Variants in SORCS2 observed in about 807,000 individuals in gnomAD.
The protein encoded by SORCS2 is VPS10 domain-containing receptor SorCS2.
Under a neutral mutation model 141.6 loss-of-function variants are expected in SORCS2, and 100 were observed. The ratio of observed to expected loss-of-function variants is 0.71; its 90% CI spans 0.60 to 0.83. The LOEUF (loss-of-function observed/expected upper bound fraction) is 0.83. Among genes scored for constraint, SORCS2 ranks in the 40% least tolerant of loss-of-function variants. The pLI is 0.00. For synonymous variants in SORCS2, 789 were observed against 676.9 expected (o/e 1.17, Z -2.57); for missense variants, 1,646 against 1,560.2 (o/e 1.05, Z -0.93).
intron 1 of SORCS2, among the ~76,000 whole-genome samples, chr4:7,382,421 G>A (rs1723045824): frequency 6.6e-6 from 1 of 152,090 alleles, no homozygotes; most frequent in Non-Finnish European, 1.5e-5. Flanking sequence ...AAGGTGCAGA[G>A]AACAGGCCCC....
chr4:7,489,165 T>C (rs909498256), intron 2 of SORCS2, among the ~76,000 whole-genome samples: 3 of 152,134 alleles, frequency 2.0e-5, no homozygotes, highest in Admixed American at 2.0e-4. Flanking sequence ...CAAAAGCTGG[T>C]TCCCTGGACC....
At chr4:7,435,080 C>A (rs1727208660) in intron 2 of SORCS2, 1 of 594,224 alleles carries the variant, frequency 1.7e-6, no homozygotes, top group Non-Finnish European at 2.9e-6. Flanking sequence ...TATCCCTCCC[C>A]TCTTTTCCCC....
At chr4:7,628,312 G>A (rs1454631038) in intron 3 of SORCS2, among the ~76,000 whole-genome samples, 2 of 152,264 alleles carry the variant, frequency 1.3e-5, no homozygotes, top group South Asian at 2.1e-4. Context: ...CACGAGGTCA[G>A]GAGATCCAGA....
intron 1 of SORCS2, among the ~76,000 whole-genome samples, chr4:7,354,806 A>G (rs1721150201): frequency 6.6e-6 from 1 of 151,990 alleles, no homozygotes; most frequent in Non-Finnish European, 1.5e-5. Flanking sequence ...GAAAATCCGA[A>G]CCCCAGAGTA....
At chr4:7,405,509 C>T (rs745408532) in intron 2 of SORCS2, among the ~76,000 whole-genome samples, 4 of 151,854 alleles carry the variant, frequency 2.6e-5, no homozygotes, top group Non-Finnish European at 4.4e-5. Context: ...TCATTTGTGT[C>T]ATCTACAATT....
intron 2 of SORCS2, among the ~76,000 whole-genome samples, chr4:7,506,312 T>C (rs1268501526): frequency 2.0e-5 from 3 of 152,190 alleles, no homozygotes; most frequent in Admixed American, 6.5e-5. Context: ...GTGGTAAATA[T>C]TTGGCGTCCA....
chr4:7,403,132 G>A (rs767778108), intron 2 of SORCS2, among the ~76,000 whole-genome samples: 6 of 152,158 alleles, frequency 3.9e-5, no homozygotes, highest in Middle Eastern at 3.2e-3. Flanking sequence ...GATGGATGGT[G>A]TATTAGTCAG....
At chr4:7,564,348 C>T (rs1343103252) in intron 3 of SORCS2, among the ~76,000 whole-genome samples, 2 of 152,242 alleles carry the variant, frequency 1.3e-5, no homozygotes, top group Non-Finnish European at 2.9e-5. Context: ...CCTGCCCTTC[C>T]TCTCCGGAGA....
chr4:7,384,750 C>T (rs1179834049), intron 1 of SORCS2, among the ~76,000 whole-genome samples: 2 of 152,204 alleles, frequency 1.3e-5, no homozygotes, highest in Admixed American at 1.3e-4. Flanking sequence ...GGCCAACTCC[C>T]TGCATCCTCG....
chr4:7,368,350 A>G (rs1341121174), intron 1 of SORCS2, among the ~76,000 whole-genome samples: 3 of 152,216 alleles, frequency 2.0e-5, no homozygotes, highest in Admixed American at 2.0e-4. Flanking sequence ...AGGGCTGCCA[A>G]GTGGCATTGG....
At chr4:7,725,510 G>A (rs1251684509) in intron 20 of SORCS2, among the ~76,000 whole-genome samples, 1 of 152,218 alleles carries the variant, frequency 6.6e-6, no homozygotes, top group Non-Finnish European at 1.5e-5. Flanking sequence ...ACTAGACCCT[G>A]CCTTTTCCCG....
intron 3 of SORCS2, among the ~76,000 whole-genome samples, chr4:7,557,159 A>G (rs1052659804): frequency 2.0e-5 from 3 of 152,296 alleles, no homozygotes; most frequent in Non-Finnish European, 2.9e-5. Context: ...TTATGGGGAC[A>G]CTGAGGAAAG....
At chr4:7,337,014 T>G (rs1720030078) in intron 1 of SORCS2, among the ~76,000 whole-genome samples, 1 of 152,178 alleles carries the variant, frequency 6.6e-6, no homozygotes, top group Non-Finnish European at 1.5e-5. Flanking sequence ...GTCAGAGTGC[T>G]GGGAATCACA....
At chr4:7,296,586 G>A (rs187304460) in intron 1 of SORCS2, among the ~76,000 whole-genome samples, 3 of 152,312 alleles carry the variant, frequency 2.0e-5, no homozygotes, top group South Asian at 2.1e-4. Context: ...CACCGATGGA[G>A]GGGTGGCTAC....
intron 1 of SORCS2, among the ~76,000 whole-genome samples, chr4:7,291,126 C>CT (rs1411349616): frequency 6.6e-6 from 1 of 152,012 alleles, no homozygotes; most frequent in Admixed American, 6.6e-5. Flanking sequence ...GGGAGGGACC[C>CT]TGGGTGTCTA....
At chr4:7,397,533 T>C (rs1040091192) in intron 2 of SORCS2, among the ~76,000 whole-genome samples, 1 of 151,688 alleles carries the variant, frequency 6.6e-6, no homozygotes, top group African/African-American at 2.4e-5. Flanking sequence ...AAACGGGGGG[T>C]GAGTGATGGG....
At chr4:7,386,218 C>A (rs1241762158) in intron 1 of SORCS2, among the ~76,000 whole-genome samples, 1 of 103,804 alleles carries the variant, frequency 9.6e-6, no homozygotes, top group Non-Finnish European at 2.0e-5. Flanking sequence ...CACACGCACA[C>A]ACATGCCCAC....
At chr4:7,732,163 C>T (rs1343764924) in intron 23 of SORCS2, among the ~76,000 whole-genome samples, 4 of 152,222 alleles carry the variant, frequency 2.6e-5, no homozygotes, top group African/African-American at 9.6e-5. Flanking sequence ...CAAAGGGAGA[C>T]ACACAAATGG....
At chr4:7,705,516 G>A (rs1725373361) in intron 14 of SORCS2, among the ~76,000 whole-genome samples, 1 of 152,248 alleles carries the variant, frequency 6.6e-6, no homozygotes, top group Admixed American at 6.5e-5. Flanking sequence ...TGAACACCTT[G>A]TCCTCTGCTC....
Sources: allele counts gnomAD v4.1 joint callset (sites outside exome capture counted in the v4.1 genomes callset), GRCh38; gene constraint gnomAD v4.1.1; transcripts MANE v1.5; gene names NCBI Gene and HGNC (gene_info 2026-07-23, HGNC 2026-07-21).